The following CHD1L variants were observed in gnomAD, a reference collection of about 807,000 sequenced individuals.
The protein encoded by CHD1L is ATP-dependent chromatin remodeler CHD1L.
In CHD1L, 118 loss-of-function variants were observed where a neutral mutation model predicts 115.9. The ratio of observed to expected loss-of-function variants is 1.02; its 90% CI spans 0.88 to 1.19. The LOEUF is 1.19. CHD1L is among the 50% of genes most tolerant of loss of function. The pLI is 0.00. For missense variants in CHD1L, 1,179 were observed against 1,065.3 expected (o/e 1.11, Z -1.49); for synonymous variants, 411 against 387.1 (o/e 1.06, Z -0.72).
At chr1:147,186,825 G>C in the CHD1L span, 5 of 1,523,570 alleles carry the variant, frequency 3.3e-6, no homozygotes, top group East Asian at 9.1e-5. Context: ...GAAACTGAGA[G>C]TCAATCTCGT....
At chr1:147,224,903 T>G in the CHD1L span, 1 of 1,613,968 alleles carries the variant, frequency 6.2e-7, no homozygotes, top group Non-Finnish European at 8.5e-7. Context: ...ACCTGGAACC[T>G]CCAGAGCCCT....
the CHD1L span, among the ~76,000 whole-genome samples, chr1:147,222,829 A>T: frequency 1.3e-5 from 2 of 152,012 alleles, no homozygotes; most frequent in African/African-American, 4.8e-5. Context: ...CTTGATAATC[A>T]GACAAGATGA....
the CHD1L span, among the ~76,000 whole-genome samples, chr1:147,189,371 G>T: frequency 3.3e-5 from 5 of 152,168 alleles, no homozygotes; most frequent in Admixed American, 3.3e-4. Context: ...ATTTAGTGCA[G>T]AGGTTTGGCA....
intron 8 of CHD1L, among the ~76,000 whole-genome samples, chr1:147,266,915 T>C (rs1553948840): frequency 1.3e-5 from 2 of 152,214 alleles, no homozygotes; most frequent in Non-Finnish European, 2.9e-5. Context: ...ATCATAGGTA[T>C]GTATGTATGG....
intron 14 of CHD1L, among the ~76,000 whole-genome samples, chr1:147,278,007 G>T (rs370907917): frequency 6.6e-6 from 1 of 152,074 alleles, no homozygotes; most frequent in African/African-American, 2.4e-5. Context: ...GGCCACAAAC[G>T]AGTGGGAACA....
chr1:147,287,730 A>C lies in CHD1L; in HGVS notation c.2317A>C (p.Lys773Gln), dbSNP rs1683781024. 3 of 1,613,636 alleles carry C rather than the reference A, an allele frequency of 1.9e-6. No homozygotes were observed. The highest frequency in any genetic ancestry group is 2.5e-6 in the Non-Finnish European group (3 of 1,179,804). ...AATATATGAGCTGGCTGGGAAAATG[A>C]AAGGTAAGAAGCAAAGCAGAGGGAA... ...RKIYELAGKMKDLSLGGVLLF... is the reference protein window; with the variant it reads ...RKIYELAGKMQDLSLGGVLLF... Residue 773 changes from lysine (K) to glutamine (Q), a missense_variant, in exon 19 of 23, where the codon AAA becomes CAA. By Grantham distance (53) the Lys-to-Gln change is moderately conservative. Coordinates refer to ENST00000369258, the MANE Select transcript of CHD1L (RefSeq NM_004284.6).
At chr1:147,269,739 C>T (rs1359808915) in intron 10 of CHD1L, among the ~76,000 whole-genome samples, 3 of 151,472 alleles carry the variant, frequency 2.0e-5, no homozygotes, top group Non-Finnish European at 4.4e-5. Flanking sequence ...ATACCTAATC[C>T]TCCTAGTCAC....
chr1:147,184,424 T>G, the CHD1L span: 4 of 1,382,526 alleles, frequency 2.9e-6, no homozygotes, highest in Non-Finnish European at 3.8e-6. This position sits in a 1 kb window ranked among gnomAD's most constrained non-coding sequence, Gnocchi z 4.4. Flanking sequence ...TAATATTCCC[T>G]TAATTTTTAC....
chr1:147,191,271 A>G, the CHD1L span, among the ~76,000 whole-genome samples: 1 of 152,036 alleles, frequency 6.6e-6, no homozygotes, highest in African/African-American at 2.4e-5. Flanking sequence ...TGACTTCCAC[A>G]ATGGTTGAAC....
rs1685519282 is a variant in CHD1L at position 147,291,499 on chromosome 1, G to A, written c.2338G>A (p.Val780Ile). ...GKMKDLSLGG[V>I]LLFPVDDKES... ...TACCTCAGACCTGAGTTTGGGAGGTGTCCTTTTATTTCCTGTTGATGATAA... is the reference window on the plus strand; with the variant it reads ...TACCTCAGACCTGAGTTTGGGAGGTATCCTTTTATTTCCTGTTGATGATAA... Residue 780 changes from valine to isoleucine, a missense_variant, in exon 20 of 23, where the codon GTC becomes ATC. By Grantham distance (29) the Val-to-Ile change is conservative (BLOSUM62 3). Transcript: ENST00000369258. The A allele has an allele frequency of 2.5e-6, 4 of 1,613,924 alleles. No individual in the cohort carries two copies. The highest frequency in any genetic ancestry group is 3.4e-6 in the Non-Finnish European group (4 of 1,179,872).
chr1:147,285,299 G>A (rs1682626501), intron 16 of CHD1L, 25 bp from the exon 17 acceptor site: 2 of 1,601,252 alleles, frequency 1.2e-6, no homozygotes, highest in East Asian at 4.5e-5. Flanking sequence ...CTTGACCCTG[G>A]TGATGGATCT....
At chr1:147,292,596 C>G (rs7555817) in intron 20 of CHD1L, among the ~76,000 whole-genome samples, 33,202 of 152,208 alleles carry the variant, frequency 0.22, 4,195 homozygotes, top group Middle Eastern at 0.28. Context: ...TTTGCTCATG[C>G]TTCTGCATGC....
intron 1 of CHD1L, among the ~76,000 whole-genome samples, chr1:147,249,977 TC>T (rs1440035095): frequency 3.3e-5 from 5 of 152,124 alleles, no homozygotes; most frequent in Non-Finnish European, 5.9e-5. Context: ...TTTCCTCACT[TC>T]CTTCCATTCT....
At chr1:147,177,340 G>A in the CHD1L span, among the ~76,000 whole-genome samples, 1 of 152,140 alleles carries the variant, frequency 6.6e-6, no homozygotes, top group African/African-American at 2.4e-5. Context: ...TATAAAATAA[G>A]ATCCATGAGT....
chr1:147,275,560 A>G (rs1553957046), intron 13 of CHD1L, 92 bp downstream of exon 13: 1 of 989,044 alleles, frequency 1.0e-6, no homozygotes, highest in African/African-American at 1.6e-5. Context: ...ACAGTCCCAC[A>G]CTGGGAGCTG....
At chr1:147,250,179 C>G (rs1438268743) in intron 1 of CHD1L, among the ~76,000 whole-genome samples, 1 of 152,030 alleles carries the variant, frequency 6.6e-6, no homozygotes, top group African/African-American at 2.4e-5. Flanking sequence ...TTTATCATTA[C>G]TGCTTTAAGG....
intron 5 of CHD1L, among the ~76,000 whole-genome samples, chr1:147,257,373 A>G (rs1670477198): frequency 6.6e-6 from 1 of 152,050 alleles, no homozygotes; most frequent in Admixed American, 6.6e-5. Flanking sequence ...TAGGTCATAG[A>G]TTTCATGACT....
the CHD1L span, chr1:147,179,024 G>A: frequency 6.6e-5 from 107 of 1,613,360 alleles, no homozygotes; most frequent in Non-Finnish European, 8.7e-5. Context: ...GTAGCTAGCC[G>A]CAAAACCTTT....
Position 147,242,745 on chromosome 1 carries a change from T to G in CHD1L, c.42T>G (p.Pro14=). The G allele has an allele frequency of 7.9e-7, 1 of 1,263,364 alleles. No homozygotes were observed. The highest frequency in any genetic ancestry group is 3.9e-5 in the Admixed American group (1 of 25,798). 78.3% of individuals were successfully genotyped at this position (1,263,364 alleles called of 1,614,324 possible). A position where few individuals can be genotyped will look rare whatever the true frequency, so the allele number is the denominator to read the frequency against. Residue 14 remains proline, a synonymous_variant, in exon 1 of 23, where the codon CCT becomes CCG. Coordinates refer to ENST00000369258, the MANE Select transcript of CHD1L (RefSeq NM_004284.6). Reference sequence around the variant, plus strand: ...CTACTAGCCGCGGGGGCCAAGCCCCTGGCTTCTTACTGCGGCTTCATACTG... The same window carrying G: ...CTACTAGCCGCGGGGGCCAAGCCCCGGGCTTCTTACTGCGGCTTCATACTG... ...AGATSRGGQA[P]GFLLRLHTEG...
Sources: gnomAD v4.1 joint callset for allele counts (sites outside exome capture counted in the v4.1 genomes callset) on GRCh38, gnomAD v4.1.1 for gene constraint, Gnocchi (gnomAD v3.1) non-coding constraint, MANE v1.5 for transcripts, NCBI Gene and HGNC (gene_info 2026-07-23, HGNC 2026-07-21) for gene names.